The following TRMT1L variants were observed in gnomAD, a reference collection of about 807,000 sequenced individuals.
The protein encoded by TRMT1L is tRNA methyltransferase 1L, also known as tRNA (guanine(27)-N(2))-dimethyltransferase.
TRMT1L carries 28 observed loss-of-function variants against 81.6 expected under a neutral mutation model. The observed-to-expected ratio is 0.34, with a 90% confidence interval of 0.25 to 0.47. TRMT1L has a LOEUF of 0.47. TRMT1L is among the 20% of genes least tolerant of loss of function. TRMT1L has a pLI of 1.00. For synonymous variants in TRMT1L, 301 were observed against 303.2 expected (o/e 0.99, Z 0.07); for missense variants, 739 against 877.1 (o/e 0.84, Z 1.99).
chr1:185,156,598 G>C lies in TRMT1L; in HGVS notation c.115C>G (p.Pro39Ala), dbSNP rs765780063. 1 of 1,598,378 alleles carries C rather than the reference G, an allele frequency of 6.3e-7. No individual in the cohort carries two copies. The highest frequency in any genetic ancestry group is 1.7e-4 in the Middle Eastern group (1 of 5,952). ...RDSAGVPAPA[P>A]DSALDSAPTP... Reference sequence around the variant, plus strand: ...GGAGCCGAGTCCAGAGCCGAATCCGGGGCCGGAGCTGGGACCCCAGCCGAG... The same window carrying C: ...GGAGCCGAGTCCAGAGCCGAATCCGCGGCCGGAGCTGGGACCCCAGCCGAG... The change falls in exon 1 of 15, where the codon CCG (proline) becomes GCG (alanine). Residue 39 changes from proline (P) to alanine (A), a missense_variant. Pro to Ala is a conservative substitution (Grantham distance 27, BLOSUM62 -1). Transcript: ENST00000367506.
intron 9 of TRMT1L, among the ~76,000 whole-genome samples, chr1:185,138,914 C>T (rs954292978): frequency 2.0e-5 from 3 of 152,146 alleles, no homozygotes; most frequent in East Asian, 1.9e-4. Context: ...AACCTATAAT[C>T]GTAGCTGTGA....
Position 185,147,563 on chromosome 1 carries a change from G to A in TRMT1L, c.461-317C>T, listed in dbSNP as rs570492943. 2.0e-5 allele frequency among the ~76,000 whole-genome samples: 3 copies of A among 152,096 alleles called. No individual in the cohort carries two copies. In the East Asian group the frequency reaches 5.8e-4, roughly 29 times the overall value. On this transcript the variant is annotated intron_variant, in intron 3 of 14. Transcript: ENST00000367506. Reference sequence around the variant, plus strand: ...GGGATTCAGCTTTATCCTATTCTCTGCCACCTTGACTTTTTCTTAGGCTTC... The same window carrying A: ...GGGATTCAGCTTTATCCTATTCTCTACCACCTTGACTTTTTCTTAGGCTTC...
chr1:185,148,860 A>G (rs982380991), intron 3 of TRMT1L, among the ~76,000 whole-genome samples: 11 of 152,198 alleles, frequency 7.2e-5, no homozygotes, highest in Non-Finnish European at 1.3e-4. Context: ...TAGTAGTACT[A>G]CTAAGAAAAT....
At position 185,150,482 on chromosome 1, in the gene TRMT1L, C is replaced by A; in HGVS notation, c.357G>T (p.Gln119His). Reference protein sequence around the residue: ...NSDNLDAGNRQACPLCPKEKF... With the variant: ...NSDNLDAGNRHACPLCPKEKF... ...TTTCCTTAGGGCACAATGGACAAGCCTGTCTGTTGCCTTAAAAAGAAAAAA... is the reference window on the plus strand; with the variant it reads ...TTTCCTTAGGGCACAATGGACAAGCATGTCTGTTGCCTTAAAAAGAAAAAA... The change falls in exon 3 of 15, where the codon CAG becomes CAT. Residue 119 changes from glutamine to histidine, a missense_variant. Gln to His is a conservative substitution (Grantham distance 24, BLOSUM62 0). This residue lies in a region of TRMT1L where 209 missense variants were observed against 165.4 expected (regional missense o/e 1.26). Transcript: ENST00000367506. 1.2e-6 allele frequency: 2 copies of A among 1,611,446 alleles called. No individual in the cohort carries two copies. Among genetic ancestry groups the A allele is most frequent in the Non-Finnish European group, 8.5e-7 (1 of 1,178,202 alleles).
chr1:185,137,210 T>C (rs1465099262), intron 10 of TRMT1L, among the ~76,000 whole-genome samples: 1 of 152,188 alleles, frequency 6.6e-6, no homozygotes, highest in East Asian at 1.9e-4. Flanking sequence ...AGAGGCTCAA[T>C]AAATGTTTAT....
Position 185,156,889 on chromosome 1 carries a change from G to C in TRMT1L, c.-177C>G, listed in dbSNP as rs1394464455. ...AACCAGTGACCAAATCCTGTTAGTA[G>C]AAAACAGAAAGCCAGAGGCAGCGAT... On this transcript the variant is annotated 5_prime_UTR_variant, in exon 1 of 15. Transcript: ENST00000367506. The C allele has an allele frequency of 6.9e-6, 6 of 872,232 alleles. No homozygotes were observed. The East Asian group carries it at 1.2e-4, about 18-fold the overall frequency. 54.0% of individuals were successfully genotyped at this position (872,232 alleles called of 1,614,324 possible).
intron 2 of TRMT1L, among the ~76,000 whole-genome samples, chr1:185,151,518 C>A (rs1653349446): frequency 6.6e-6 from 1 of 152,140 alleles, no homozygotes; most frequent in South Asian, 2.1e-4. Flanking sequence ...AGAATATTAA[C>A]CTCTTAAGAC....
rs1266927066 is a variant in TRMT1L at position 185,156,578 on chromosome 1, C to T, written c.135G>A (p.Ser45=). Residue 45 remains serine, a synonymous_variant, in exon 1 of 15, where the codon TCG becomes TCA. Coordinates refer to ENST00000367506, the MANE Select transcript of TRMT1L (RefSeq NM_030934.5). ...CTGGAGCCGAGGCCGGAGTCGGAGC[C>T]GAGTCCAGAGCCGAATCCGGGGCCG... ...PAPAPDSALD[S]APTPASAPAP... 5.0e-6 allele frequency: 8 copies of T among 1,599,666 alleles called. No individual in the cohort carries two copies.
rs376813929 is a variant in TRMT1L at position 185,124,993 on chromosome 1, C to T, written c.1710G>A (p.Thr570=). The T allele has an allele frequency of 1.3e-5, 21 of 1,612,804 alleles. No homozygotes were observed. The highest frequency in any genetic ancestry group is 1.7e-5 in the Non-Finnish European group (20 of 1,179,268). ...CATGAATTGAAAACTGACTTTGAGGCGTACACTCTGATTCAAAGATTAATG... is the reference window on the plus strand; with the variant it reads ...CATGAATTGAAAACTGACTTTGAGGTGTACACTCTGATTCAAAGATTAATG... ...IKTLIFESEC[T]PQSQFSIHAS... is the part of the protein sequence containing the mutation. Residue 570 remains threonine (T), a synonymous_variant, in exon 12 of 15, where the codon ACG becomes ACA. Coordinates refer to ENST00000367506, the MANE Select transcript of TRMT1L (RefSeq NM_030934.5).
At chr1:185,131,450 C>A (rs1429496088) in intron 10 of TRMT1L, among the ~76,000 whole-genome samples, 1 of 151,788 alleles carries the variant, frequency 6.6e-6, no homozygotes, top group Non-Finnish European at 1.5e-5. Context: ...AGCAACAATA[C>A]AAAACAAACA....
chr1:185,150,295 TA>T, intron 3 of TRMT1L, 83 bp downstream of exon 3: 1 of 887,908 alleles, frequency 1.1e-6, no homozygotes, highest in Non-Finnish European at 1.8e-6. Context: ...AATATTTGAT[TA>T]TACTCATGAT....
intron 10 of TRMT1L, among the ~76,000 whole-genome samples, chr1:185,130,067 C>T (rs1315043263): frequency 1.3e-5 from 2 of 152,178 alleles, no homozygotes; most frequent in Admixed American, 1.3e-4. Context: ...AATAATCTTA[C>T]CATACAAACG....
At chr1:185,128,960 A>G (rs567769163) in intron 10 of TRMT1L, among the ~76,000 whole-genome samples, 120 of 152,226 alleles carry the variant, frequency 7.9e-4, no homozygotes, top group Non-Finnish European at 1.3e-3. Context: ...ACACACATAT[A>G]TATATTTTTT....
chr1:185,134,972 T>C (rs574376601), intron 10 of TRMT1L, among the ~76,000 whole-genome samples: 1 of 152,314 alleles, frequency 6.6e-6, no homozygotes, highest in East Asian at 1.9e-4. Flanking sequence ...ATAGAGATGG[T>C]ATAACAAACA....
intron 4 of TRMT1L, among the ~76,000 whole-genome samples, chr1:185,146,948 A>C (rs1653201787): frequency 6.6e-6 from 1 of 152,072 alleles, no homozygotes; most frequent in Non-Finnish European, 1.5e-5. Flanking sequence ...TTGAACACAA[A>C]GGAGCAATTT....
intron 13 of TRMT1L, chr1:185,120,745 C>T (rs146845025): frequency 3.4e-5 from 10 of 292,724 alleles, no homozygotes; most frequent in East Asian, 6.7e-5. Context: ...CACTCTATTT[C>T]GTCTCCTGTA....
chr1:185,128,130 C>CA (rs983545476), intron 11 of TRMT1L, among the ~76,000 whole-genome samples: 48 of 151,826 alleles, frequency 3.2e-4, no homozygotes, highest in Middle Eastern at 3.4e-3. Flanking sequence ...AACAAACAAA[C>CA]AAAAAAAACC....
intron 10 of TRMT1L, among the ~76,000 whole-genome samples, chr1:185,133,171 C>T (rs1652815385): frequency 6.6e-6 from 1 of 152,100 alleles, no homozygotes; most frequent in Non-Finnish European, 1.5e-5. Context: ...AGTATTAATT[C>T]CAGAGTTACC....
rs1172649298 is a variant in TRMT1L, at chr1:185,130,345, TGA to T, written c.1514-1600_1514-1599del. ...TCTCTGCTGTCTCTTAACGCTTAAA[TGA>T]CAGGAACAAAAATTAAACTACAAGA... is the stretch of plus-strand genomic sequence containing the variant. On this transcript the variant is annotated intron_variant, in intron 10 of 14. Coordinates refer to ENST00000367506, the MANE Select transcript of TRMT1L (RefSeq NM_030934.5). 1.2e-4 allele frequency among the ~76,000 whole-genome samples: 19 copies of T among 152,238 alleles called. No individual in the cohort carries two copies. In the East Asian group the frequency reaches 3.3e-3, roughly 26 times the overall value.
Sources: gnomAD v4.1 joint callset for allele counts (sites outside exome capture counted in the v4.1 genomes callset) on GRCh38, gnomAD v4.1.1 for gene constraint, gnomAD v4.1.1 regional missense constraint, MANE v1.5 for transcripts, NCBI Gene and HGNC (gene_info 2026-07-23, HGNC 2026-07-21) for gene names.